Variants in INPP4B observed in about 807,000 individuals in gnomAD.
INPP4B encodes the protein inositol polyphosphate 4-phosphatase type II.
Under a neutral mutation model 122.5 loss-of-function variants are expected in INPP4B, and 55 were observed. The observed-to-expected ratio is 0.45, with a 90% CI of 0.36 to 0.56. The LOEUF (loss-of-function observed/expected upper bound fraction) is 0.56, where lower values mean the gene tolerates loss of function less well. Among genes scored for constraint, INPP4B ranks in the 20% least tolerant of loss-of-function variants. The pLI is 0.00. For missense variants in INPP4B, 1,000 were observed against 1,097.7 expected (o/e 0.91, Z 1.26); for synonymous variants, 403 against 388.7 (o/e 1.04, Z -0.43).
chr4:142,058,329 C>T (rs947172101), intron 25 of INPP4B, among the ~76,000 whole-genome samples: 2 of 152,074 alleles, frequency 1.3e-5, no homozygotes, highest in African/African-American at 4.8e-5. Flanking sequence ...AAATTGAGGA[C>T]TAATTCTGGT....
At chr4:142,337,145 C>T (rs1377915705) in intron 7 of INPP4B, among the ~76,000 whole-genome samples, 1 of 123,426 alleles carries the variant, frequency 8.1e-6, no homozygotes, top group Non-Finnish European at 1.8e-5. Flanking sequence ...TTGCATACAG[C>T]TAAAGTACAT....
intron 2 of INPP4B, among the ~76,000 whole-genome samples, chr4:142,602,678 C>A (rs1740299624): frequency 1.3e-5 from 2 of 152,272 alleles, no homozygotes; most frequent in Middle Eastern, 3.4e-3. Context: ...CATCTCACAC[C>A]AGTCAGAATG....
intron 2 of INPP4B, among the ~76,000 whole-genome samples, chr4:142,651,986 A>G (rs1753067609): frequency 6.6e-6 from 1 of 152,124 alleles, no homozygotes; most frequent in Non-Finnish European, 1.5e-5. Context: ...ATACTGGCAA[A>G]CTCAATCCAG....
At position 142,167,969 on chromosome 4, in the gene INPP4B, A is replaced by AT. The variant is rs35469629; in HGVS notation, c.1359+5662dup. 6.3e-3 allele frequency among the ~76,000 whole-genome samples: 891 copies of AT among 140,748 alleles called. 10 individuals carry two copies. The highest frequency in any genetic ancestry group is 0.019 in the African/African-American group (732 of 39,148). 92.3% of individuals were successfully genotyped at this position (140,748 alleles called of 152,430 possible). A position where few individuals can be genotyped will look rare whatever the true frequency, so the allele number is the denominator to read the frequency against. Reference sequence around the variant, plus strand: ...ACCTTTATTTTTGAGAGTTAGCAGGATTTTTTTTTTTTCAGTAGCTTGAGG... The same window carrying AT: ...ACCTTTATTTTTGAGAGTTAGCAGGATTTTTTTTTTTTTCAGTAGCTTGAGG... On this transcript the variant is annotated intron_variant, in intron 16 of 25. Transcript: ENST00000262992.
intron 1 of INPP4B, among the ~76,000 whole-genome samples, chr4:142,845,286 G>A (rs980085379): frequency 6.6e-6 from 1 of 152,120 alleles, no homozygotes; most frequent in Admixed American, 6.5e-5. Flanking sequence ...TCAGAAGCGT[G>A]GGGAGGGGGA....
At chr4:142,756,954 C>T (rs74868966) in intron 1 of INPP4B, among the ~76,000 whole-genome samples, 8,029 of 152,136 alleles carry the variant, frequency 0.053, 311 homozygotes, top group African/African-American at 0.1. Flanking sequence ...TGGTTTTAAC[C>T]GTTCCCAAAT....
In INPP4B at chr4:142,590,133, G is replaced by A. The variant is rs980301950; in HGVS notation, c.-190-127407C>T. Among the ~76,000 whole-genome samples the A allele has an allele frequency of 3.0e-4, 45 of 152,218 alleles. 1 individual carries two copies. The highest frequency in any genetic ancestry group is 1.1e-3 in the African/African-American group (44 of 41,566). On this transcript the variant is annotated intron_variant, in intron 2 of 25. Transcript: ENST00000262992. ...AAGCAGGAAGGACTGAATCGGTGAAGCACAGGGGAATTTTAGAGGAGTATT... is the reference window on the plus strand; with the variant it reads ...AAGCAGGAAGGACTGAATCGGTGAAACACAGGGGAATTTTAGAGGAGTATT...
chr4:142,142,588 A>G (rs1282467646), intron 18 of INPP4B, among the ~76,000 whole-genome samples: 2 of 152,120 alleles, frequency 1.3e-5, no homozygotes, highest in African/African-American at 2.4e-5. Flanking sequence ...GAGTAAAACA[A>G]GTAAGAAAAT....
At chr4:142,612,572 T>C (rs1742792958) in intron 2 of INPP4B, among the ~76,000 whole-genome samples, 2 of 152,168 alleles carry the variant, frequency 1.3e-5, no homozygotes, top group South Asian at 4.1e-4. Flanking sequence ...TTTACAGAAA[T>C]CCTGAGATTA....
chr4:142,755,660 T>A (rs977700838), intron 1 of INPP4B, among the ~76,000 whole-genome samples: 1 of 152,060 alleles, frequency 6.6e-6, no homozygotes, highest in African/African-American at 2.4e-5. Context: ...TTTTTTAAAA[T>A]GGGCTTTAAT....
chr4:142,781,040 A>G (rs1442509992), intron 1 of INPP4B, among the ~76,000 whole-genome samples: 3 of 152,238 alleles, frequency 2.0e-5, no homozygotes, highest in African/African-American at 4.8e-5. Flanking sequence ...AAAAAGTGCT[A>G]TAACAATGCG....
intron 24 of INPP4B, among the ~76,000 whole-genome samples, chr4:142,082,596 C>T (rs1050865814): frequency 1.3e-5 from 2 of 152,150 alleles, no homozygotes; most frequent in Non-Finnish European, 2.9e-5. Flanking sequence ...CTGGATCAAA[C>T]AATTGATTCA....
intron 1 of INPP4B, among the ~76,000 whole-genome samples, chr4:142,729,103 C>T (rs1007044837): frequency 4.6e-5 from 7 of 152,142 alleles, no homozygotes; most frequent in African/African-American, 1.2e-4. Flanking sequence ...GAGCACGTAA[C>T]CTAGATCCCT....
intron 5 of INPP4B, among the ~76,000 whole-genome samples, chr4:142,407,677 G>A (rs1173625713): frequency 6.6e-6 from 1 of 152,026 alleles, no homozygotes; most frequent in East Asian, 1.9e-4. Flanking sequence ...CTACAGCTCA[G>A]AGGATTTACT....
chr4:142,309,837 T>C (rs553466817), intron 8 of INPP4B, among the ~76,000 whole-genome samples: 6 of 152,286 alleles, frequency 3.9e-5, no homozygotes, highest in African/African-American at 1.4e-4. Context: ...TGGAGAGTAA[T>C]ATCAAACAGG....
At chr4:142,292,700 G>T (rs894273231) in intron 9 of INPP4B, among the ~76,000 whole-genome samples, 2 of 152,174 alleles carry the variant, frequency 1.3e-5, no homozygotes, top group Admixed American at 6.5e-5. Flanking sequence ...TGTTTATTAT[G>T]ATACCTTAAA....
chr4:142,540,761 G>A (rs780000953), intron 2 of INPP4B, among the ~76,000 whole-genome samples: 4 of 152,004 alleles, frequency 2.6e-5, no homozygotes, highest in Non-Finnish European at 4.4e-5. Context: ...GTGTGTGAGA[G>A]AGAGAGAAGG....
chr4:142,122,284 T>G, intron 20 of INPP4B, 39 bp from the exon 21 acceptor site: 1 of 1,431,552 alleles, frequency 7.0e-7, no homozygotes, highest in Non-Finnish European at 9.8e-7. Context: ...AAACAAACAT[T>G]TGAGGAAAAT....
Position 142,027,034 on chromosome 4 carries a change from A to C in INPP4B, c.*1748T>G, listed in dbSNP as rs1737220033. ...TCCTACCATTTTCAAATGATATTGA[A>C]CAACTCAAAGGTTGTATTTAATCAC... is the stretch of plus-strand genomic sequence containing the variant. On this transcript the variant is annotated 3_prime_UTR_variant, in exon 26 of 26. Coordinates refer to ENST00000262992, the MANE Select transcript of INPP4B (RefSeq NM_001101669.3). 6.6e-6 allele frequency: 1 copy of C among 152,104 alleles called. No individual in the cohort carries two copies. The highest frequency in any genetic ancestry group is 2.4e-5 in the African/African-American group (1 of 41,422). 9.4% of individuals were successfully genotyped at this position (152,104 alleles called of 1,614,324 possible).
Sources: gnomAD v4.1 joint callset for allele counts (sites outside exome capture counted in the v4.1 genomes callset) on GRCh38, gnomAD v4.1.1 for gene constraint, MANE v1.5 for transcripts, NCBI Gene and HGNC (gene_info 2026-07-23, HGNC 2026-07-21) for gene names.